TCF7L2: variants seen among roughly 807,000 people sequenced by gnomAD.
TCF7L2 encodes the protein transcription factor 7 like 2.
TCF7L2 carries 23 observed loss-of-function variants against 77.9 expected under a neutral mutation model. The ratio of observed to expected loss-of-function variants is 0.30; its 90% CI spans 0.21 to 0.42. The LOEUF (loss-of-function observed/expected upper bound fraction) is 0.42, where lower values mean the gene tolerates loss of function less well. Ranked by LOEUF, TCF7L2 falls within the 10% of genes least tolerant of loss-of-function variation. TCF7L2 has a pLI of 1.00. For synonymous variants in TCF7L2, 413 were observed against 340.2 expected, an observed-to-expected ratio of 1.21 and a Z score of -2.36; for missense variants, 654 against 793.1, an observed-to-expected ratio of 0.82 and a Z score of 2.11.
intron 5 of TCF7L2, among the ~76,000 whole-genome samples, chr10:113,094,195 T>C (rs766551840): frequency 6.6e-6 from 1 of 152,224 alleles, no homozygotes; most frequent in Non-Finnish European, 1.5e-5. Context: ...TCCGCTAAAT[T>C]TGCCAAGCTA....
chr10:113,081,248 T>A (rs1012847819), intron 5 of TCF7L2, among the ~76,000 whole-genome samples: 5 of 152,242 alleles, frequency 3.3e-5, no homozygotes, highest in African/African-American at 1.2e-4. Flanking sequence ...GATCAGACCC[T>A]CTTCTCCCTC....
At chr10:113,162,038 A>G (rs1273773297) in intron 13 of TCF7L2, among the ~76,000 whole-genome samples, 2 of 152,194 alleles carry the variant, frequency 1.3e-5, no homozygotes, top group African/African-American at 2.4e-5. Flanking sequence ...TTTTGTGACA[A>G]AGTTGATGGA....
chr10:113,164,395 C>T (rs1044649518), intron 13 of TCF7L2, among the ~76,000 whole-genome samples: 1 of 152,126 alleles, frequency 6.6e-6, no homozygotes, highest in Non-Finnish European at 1.5e-5. Context: ...ATCACGATAA[C>T]CCAAACCCAG....
chr10:113,033,089 TG>T (rs2050520287), intron 4 of TCF7L2, among the ~76,000 whole-genome samples: 1 of 152,100 alleles, frequency 6.6e-6, no homozygotes, highest in African/African-American at 2.4e-5. Context: ...CCGACTATGT[TG>T]GTTTTTTTTC....
chr10:113,112,190 A>G (rs1327510421), intron 5 of TCF7L2, among the ~76,000 whole-genome samples: 1 of 152,256 alleles, frequency 6.6e-6, no homozygotes, highest in Non-Finnish European at 1.5e-5. Flanking sequence ...TGGTGGAGGC[A>G]TGACATAATT....
chr10:113,112,890 T>C (rs1564910834), intron 5 of TCF7L2, among the ~76,000 whole-genome samples: 1 of 152,174 alleles, frequency 6.6e-6, no homozygotes, highest in Non-Finnish European at 1.5e-5. Context: ...TTAAAAAGAA[T>C]AAAATAAAAG....
chr10:113,014,782 T>A (rs1177223234), intron 4 of TCF7L2, among the ~76,000 whole-genome samples: 1 of 152,042 alleles, frequency 6.6e-6, no homozygotes, highest in Admixed American at 6.5e-5. Context: ...CGAGACTTCA[T>A]CTCACAAAAA....
intron 5 of TCF7L2, among the ~76,000 whole-genome samples, chr10:113,130,931 A>G (rs957993218): frequency 6.6e-6 from 1 of 151,726 alleles, no homozygotes; most frequent in Non-Finnish European, 1.5e-5. Context: ...ATGCCCAGAT[A>G]ATTTTTGTAT....
chr10:113,002,658 A>G (rs748607619), intron 4 of TCF7L2, among the ~76,000 whole-genome samples: 33 of 152,310 alleles, frequency 2.2e-4, no homozygotes, highest in Non-Finnish European at 4.3e-4. Flanking sequence ...TGATGGGAAC[A>G]TCAAGATTCA....
chr10:113,076,831 G>A (rs2058747104), intron 5 of TCF7L2, among the ~76,000 whole-genome samples: 1 of 152,146 alleles, frequency 6.6e-6, no homozygotes, highest in Admixed American at 6.6e-5. Flanking sequence ...AAATTATATG[G>A]ACACATCTAA....
chr10:113,081,003 A>T (rs1262404170), intron 5 of TCF7L2, among the ~76,000 whole-genome samples: 2 of 152,208 alleles, frequency 1.3e-5, no homozygotes, highest in Non-Finnish European at 2.9e-5. Context: ...CCTGTTATTT[A>T]CATTTTAAAA....
chr10:113,102,854 G>A (rs974633925), intron 5 of TCF7L2, among the ~76,000 whole-genome samples: 1 of 152,134 alleles, frequency 6.6e-6, no homozygotes, highest in Non-Finnish European at 1.5e-5. Flanking sequence ...TTCTGGCACT[G>A]GATTAAGCTT....
intron 5 of TCF7L2, among the ~76,000 whole-genome samples, chr10:113,083,189 G>T (rs2059480565): frequency 6.6e-6 from 1 of 151,574 alleles, no homozygotes; most frequent in African/African-American, 2.4e-5. Context: ...AGGGAAGAGG[G>T]AGGTGCCATG....
intron 11 of TCF7L2, among the ~76,000 whole-genome samples, chr10:113,153,764 A>G (rs2071259450): frequency 6.6e-6 from 1 of 152,234 alleles, no homozygotes; most frequent in Non-Finnish European, 1.5e-5. Context: ...TAAGTCGGAT[A>G]TCTTTACTCC....
rs5787989 is a variant in TCF7L2, at chr10:113,166,451, C to CTT, written c.*493_*494dup. The CTT allele has an allele frequency of 0.032, 5,602 of 175,830 alleles. 11 individuals are homozygous for CTT. Among genetic ancestry groups the CTT allele is most frequent in the East Asian group, 0.12 (1,173 of 10,178 alleles). 10.9% of individuals were successfully genotyped at this position (175,830 alleles called of 1,614,324 possible). ...GGGCACCATGAATGCAGTGCCGTTA[C>CTT]TTTTTTTTTTTTTTTCTGTGTGAAA... On this transcript the variant is annotated 3_prime_UTR_variant, in exon 14 of 14. Coordinates refer to ENST00000627217, the MANE Select transcript of TCF7L2 (RefSeq NM_001146274.2).
At chr10:112,998,594 A>G (rs1419316025) in intron 4 of TCF7L2, among the ~76,000 whole-genome samples, 2 of 152,188 alleles carry the variant, frequency 1.3e-5, no homozygotes, top group African/African-American at 4.8e-5. Flanking sequence ...TAGATACTAT[A>G]TAATTTAATT....
intron 4 of TCF7L2, among the ~76,000 whole-genome samples, chr10:113,037,558 C>G (rs963064862): frequency 2.0e-5 from 3 of 152,132 alleles, no homozygotes; most frequent in Non-Finnish European, 2.9e-5. Context: ...TGCAGGTAGC[C>G]TATGGAGATT....
intron 5 of TCF7L2, chr10:113,125,840 G>A (rs1004390285): frequency 6.6e-6 from 1 of 152,178 alleles, no homozygotes; most frequent in Non-Finnish European, 1.5e-5. Flanking sequence ...GCAGGGCTGC[G>A]GAAATAATAC....
chr10:113,017,033 G>C (rs1305496964), intron 4 of TCF7L2, among the ~76,000 whole-genome samples: 1 of 152,056 alleles, frequency 6.6e-6, no homozygotes, highest in Non-Finnish European at 1.5e-5. Flanking sequence ...GGGGATTTTT[G>C]TACCAGCGAT....
Sources: gnomAD v4.1 joint callset for allele counts (sites outside exome capture counted in the v4.1 genomes callset) on GRCh38, gnomAD v4.1.1 for gene constraint, MANE v1.5 for transcripts, NCBI Gene and HGNC (gene_info 2026-07-23, HGNC 2026-07-21) for gene names.